TCERG1L: variants seen among roughly 807,000 people sequenced by gnomAD.
The protein encoded by TCERG1L is transcription elongation regulator 1 like, also known as transcription elongation regulator 1-like protein.
A neutral mutation model predicts 56.3 loss-of-function variants in TCERG1L; 37 were observed. The ratio of observed to expected loss-of-function variants is 0.66; its 90% CI spans 0.51 to 0.87. TCERG1L has a LOEUF of 0.87. TCERG1L is among the 40% of genes least tolerant of loss of function. The pLI, the probability that TCERG1L is intolerant of heterozygous loss-of-function variation, is 0.00. For synonymous variants in TCERG1L, 324 were observed against 326.3 expected (o/e 0.99, Z 0.08); for missense variants, 799 against 774.2 (o/e 1.03, Z -0.38).
At chr10:131,283,153 G>T (rs887313343) in intron 3 of TCERG1L, among the ~76,000 whole-genome samples, 1 of 152,238 alleles carries the variant, frequency 6.6e-6, no homozygotes, top group Non-Finnish European at 1.5e-5. Context: ...AAGGTTCTCT[G>T]AGAGGCTCTC....
intron 3 of TCERG1L, among the ~76,000 whole-genome samples, chr10:131,298,830 T>C (rs769749920): frequency 6.6e-6 from 1 of 152,262 alleles, no homozygotes; most frequent in South Asian, 2.1e-4. Context: ...GACTGTTCTA[T>C]ACATGTCAAT....
chr10:131,225,909 G>A (rs1022823039), intron 4 of TCERG1L, among the ~76,000 whole-genome samples: 10 of 152,194 alleles, frequency 6.6e-5, no homozygotes, highest in Non-Finnish European at 1.5e-4. Context: ...AGAGCAGCAC[G>A]CCCTAGACGC....
chr10:131,148,373 CAT>C (rs1218026300), intron 6 of TCERG1L, among the ~76,000 whole-genome samples: 16 of 110,680 alleles, frequency 1.4e-4, no homozygotes, highest in South Asian at 3.8e-4. Flanking sequence ...TGCACACAGA[CAT>C]AGAGACACAC....
intron 4 of TCERG1L, among the ~76,000 whole-genome samples, chr10:131,240,338 C>A (rs1845957190): frequency 6.6e-6 from 1 of 152,198 alleles, no homozygotes; most frequent in Non-Finnish European, 1.5e-5. Flanking sequence ...CACCCTGACC[C>A]TTCCCCGTTC....
chr10:131,178,915 C>G (rs1845140831), intron 4 of TCERG1L, among the ~76,000 whole-genome samples: 1 of 152,256 alleles, frequency 6.6e-6, no homozygotes, highest in South Asian at 2.1e-4. Flanking sequence ...GCGGTTCCAG[C>G]AGAGCCCCGC....
intron 4 of TCERG1L, among the ~76,000 whole-genome samples, chr10:131,191,163 A>G (rs1845297230): frequency 6.9e-6 from 1 of 144,326 alleles, no homozygotes; most frequent in Non-Finnish European, 1.5e-5. Context: ...CCCTAGGAAT[A>G]TACTTCATCC....
Position 131,163,214 on chromosome 10 carries a change from T to G in TCERG1L, c.946-4A>C. On this transcript the variant is annotated splice_polypyrimidine_tract_variant and splice_region_variant and intron_variant, in intron 5 of 11. Coordinates refer to ENST00000368642, the MANE Select transcript of TCERG1L (RefSeq NM_174937.4). ...CCCCCAGCATCGGTGGAGGCTCCTT[T>G]CAACAGAAAGAGACAGGGGAGTGGC... 1 of 1,534,034 alleles carries G rather than the reference T, an allele frequency of 6.5e-7. No individual in the cohort carries two copies. Among genetic ancestry groups the G allele is most frequent in the Non-Finnish European group, 8.8e-7 (1 of 1,141,892 alleles).
In TCERG1L at chr10:131,279,956, G is replaced by A. The variant is rs574716127; in HGVS notation, c.671-19512C>T. ...GTGAGAGTTTCTCCATGTGGAATGC[G>A]ACCCAGCAGAGCCAGCCTACACCCT... is the stretch of plus-strand genomic sequence containing the variant. On this transcript the variant is annotated intron_variant, in intron 3 of 11. Transcript: ENST00000368642. Among the ~76,000 whole-genome samples the A allele has an allele frequency of 1.3e-4, 20 of 152,200 alleles. No individual in the cohort carries two copies. The East Asian group carries it at 3.5e-3, about 26-fold the overall frequency.
At chr10:131,276,084 G>T (rs1304130130) in intron 3 of TCERG1L, among the ~76,000 whole-genome samples, 1 of 152,166 alleles carries the variant, frequency 6.6e-6, no homozygotes, top group Non-Finnish European at 1.5e-5. Flanking sequence ...TAATTGGGTG[G>T]CTGCTAGACA....
At chr10:131,165,188 T>C (rs1846018406) in intron 5 of TCERG1L, among the ~76,000 whole-genome samples, 1 of 152,188 alleles carries the variant, frequency 6.6e-6, no homozygotes, top group Non-Finnish European at 1.5e-5. Flanking sequence ...GACCGAGTTA[T>C]CCAGAGTGAG....
chr10:131,235,807 T>C (rs1453882680), intron 4 of TCERG1L, among the ~76,000 whole-genome samples: 2 of 152,220 alleles, frequency 1.3e-5, no homozygotes, highest in Non-Finnish European at 2.9e-5. Context: ...CAGGGGCTGG[T>C]GGTGGCCAAT....
intron 10 of TCERG1L, among the ~76,000 whole-genome samples, chr10:131,101,553 C>T (rs1174539800): frequency 1.3e-5 from 2 of 152,114 alleles, no homozygotes; most frequent in Non-Finnish European, 2.9e-5. Context: ...ACCCACACGC[C>T]ACACACAGCA....
At chr10:131,159,722 C>T (rs376193584) in intron 6 of TCERG1L, among the ~76,000 whole-genome samples, 12 of 152,064 alleles carry the variant, frequency 7.9e-5, no homozygotes, top group East Asian at 1.9e-4. Flanking sequence ...TTTTCCTAGA[C>T]GCAGGCTGCA....
At chr10:131,102,934 G>A (rs1478454165) in intron 10 of TCERG1L, among the ~76,000 whole-genome samples, 1 of 151,962 alleles carries the variant, frequency 6.6e-6, no homozygotes, top group South Asian at 2.1e-4. Context: ...AGCAGTGTTG[G>A]CTCAGGGACC....
At chr10:131,147,005 C>T (rs1205154723) in intron 6 of TCERG1L, among the ~76,000 whole-genome samples, 3 of 152,162 alleles carry the variant, frequency 2.0e-5, no homozygotes, top group Non-Finnish European at 4.4e-5. Flanking sequence ...AGATGCAGAG[C>T]ACTCTGGGGC....
chr10:131,101,584 CACGCCCCAGATGTACTGATGATTTT>C (rs1371930540), intron 10 of TCERG1L, among the ~76,000 whole-genome samples: 2 of 152,234 alleles, frequency 1.3e-5, no homozygotes, highest in African/African-American at 4.8e-5. Context: ...ACACGCCACA[CACGCCCCAGATGTACTGATGATTTT>C]AGACACTGCC....
intron 4 of TCERG1L, among the ~76,000 whole-genome samples, chr10:131,257,094 G>A (rs1397776793): frequency 6.6e-6 from 1 of 152,080 alleles, no homozygotes; most frequent in Non-Finnish European, 1.5e-5. Flanking sequence ...TGAGTAAGTG[G>A]AACAGGAGCA....
chr10:131,225,379 G>C (rs947203877), intron 4 of TCERG1L, among the ~76,000 whole-genome samples: 6 of 152,164 alleles, frequency 3.9e-5, no homozygotes, highest in African/African-American at 1.2e-4. Flanking sequence ...GCTTCGGGAA[G>C]ACCATTGCAC....
chr10:131,287,104 C>T (rs575721228), intron 3 of TCERG1L, among the ~76,000 whole-genome samples: 5 of 152,126 alleles, frequency 3.3e-5, no homozygotes, highest in Non-Finnish European at 7.3e-5. Flanking sequence ...ACATGAGTGC[C>T]AGAAAATTTT....
Sources: allele counts gnomAD v4.1 joint callset (sites outside exome capture counted in the v4.1 genomes callset), GRCh38; gene constraint gnomAD v4.1.1; transcripts MANE v1.5; gene names NCBI Gene and HGNC (gene_info 2026-07-23, HGNC 2026-07-21).